The following THSD4 variants were observed in gnomAD, a reference collection of about 807,000 sequenced individuals.
THSD4 encodes thrombospondin type 1 domain containing 4.
THSD4 carries 69 observed loss-of-function variants against 119.0 expected under a neutral mutation model. The observed-to-expected ratio is 0.58, with a 90% CI of 0.48 to 0.71. The LOEUF (loss-of-function observed/expected upper bound fraction) is 0.71. Among genes scored for constraint, THSD4 ranks in the 30% least tolerant of loss-of-function variants. THSD4 has a pLI of 0.00. For synonymous variants in THSD4, 524 were observed against 540.4 expected (o/e 0.97, Z 0.42); for missense variants, 1,393 against 1,391.1 (o/e 1.00, Z -0.02).
At chr15:71,098,716 T>C (rs1045532698) in intron 1 of THSD4, among the ~76,000 whole-genome samples, 4 of 152,190 alleles carry the variant, frequency 2.6e-5, no homozygotes, top group African/African-American at 7.2e-5. Context: ...TGGACTGATA[T>C]ATAATATACT....
chr15:71,577,737 T>TATTTTA (rs58028304), intron 7 of THSD4, among the ~76,000 whole-genome samples: 2 of 150,538 alleles, frequency 1.3e-5, no homozygotes, highest in African/African-American at 2.4e-5. Flanking sequence ...TATTTTATTT[T>TATTTTA]TGAGACGGAG....
intron 7 of THSD4, among the ~76,000 whole-genome samples, chr15:71,560,571 A>T (rs951481057): frequency 1.3e-5 from 2 of 152,242 alleles, no homozygotes; most frequent in Non-Finnish European, 2.9e-5. Context: ...ATATTAGAGG[A>T]ATGCATTCCA....
At chr15:71,266,096 G>A (rs540489781) in intron 6 of THSD4, among the ~76,000 whole-genome samples, 15 of 152,346 alleles carry the variant, frequency 9.8e-5, no homozygotes, top group Admixed American at 3.3e-4. Flanking sequence ...CCATCACAGC[G>A]CTCAAGCTCT....
chr15:71,433,253 GAC>G (rs916713803), intron 7 of THSD4, among the ~76,000 whole-genome samples: 4 of 150,744 alleles, frequency 2.7e-5, no homozygotes, highest in East Asian at 1.9e-4. Context: ...ATTTAGATAT[GAC>G]ACAGACATTT....
At chr15:71,479,783 T>C (rs1023118091) in intron 7 of THSD4, among the ~76,000 whole-genome samples, 7 of 152,214 alleles carry the variant, frequency 4.6e-5, no homozygotes, top group Admixed American at 3.3e-4. Flanking sequence ...AGCTTACAGT[T>C]AGAAAACTCT....
In THSD4 at chr15:71,678,329, A is replaced by G. The variant is rs8026125; in HGVS notation, c.1357+17595A>G. On this transcript the variant is annotated intron_variant, in intron 8 of 17. Transcript: ENST00000261862. Reference sequence around the variant, plus strand: ...AAGAGAAGTGACTCCTGAGAAAAACAGTAATCTTGAAGATTTCTTAACCAA... The same window carrying G: ...AAGAGAAGTGACTCCTGAGAAAAACGGTAATCTTGAAGATTTCTTAACCAA... Among the ~76,000 whole-genome samples the G allele has an allele frequency of 9.1e-3, 1,382 of 152,364 alleles. 24 individuals are homozygous for G. The highest frequency in any genetic ancestry group is 0.031 in the African/African-American group (1,306 of 41,588).
chr15:71,591,113 T>A (rs2049793758), intron 7 of THSD4, among the ~76,000 whole-genome samples: 1 of 151,810 alleles, frequency 6.6e-6, no homozygotes, highest in Non-Finnish European at 1.5e-5. Context: ...TCTTGTGTTG[T>A]GAAAGGGCTT....
chr15:71,661,464 T>C (rs1176992041), intron 8 of THSD4, among the ~76,000 whole-genome samples: 1 of 151,968 alleles, frequency 6.6e-6, no homozygotes, highest in Non-Finnish European at 1.5e-5. Context: ...GGTGCGATTT[T>C]TGCTCACTGC....
Position 71,323,688 on chromosome 15 carries a change from C to CCTA in THSD4, c.1015+66974_1015+66976dup, listed in dbSNP as rs576452281. ...ATGAAGCAGCAAAAATCAAGGGCTG[C>CCTA]CTATATATTCCTTTGGCAGAACACC... On this transcript the variant is annotated intron_variant, in intron 6 of 17. Transcript: ENST00000261862. Among the ~76,000 whole-genome samples the CCTA allele has an allele frequency of 3.9e-5, 6 of 152,102 alleles. 1 individual carries two copies. The South Asian group carries it at 1.2e-3, about 31-fold the overall frequency.
chr15:71,465,331 A>T (rs1335996475), intron 7 of THSD4, among the ~76,000 whole-genome samples: 1 of 152,236 alleles, frequency 6.6e-6, no homozygotes, highest in East Asian at 1.9e-4. Context: ...CTCCTACTGC[A>T]TCTTGGCTGT....
intron 7 of THSD4, among the ~76,000 whole-genome samples, chr15:71,444,946 A>G (rs2047159749): frequency 6.6e-6 from 1 of 152,096 alleles, no homozygotes; most frequent in Admixed American, 6.6e-5. Context: ...TAAAAGTCCA[A>G]ATTCCTTAGC....
chr15:71,191,245 G>C (rs1192378686), intron 3 of THSD4, among the ~76,000 whole-genome samples: 1 of 152,064 alleles, frequency 6.6e-6, no homozygotes, highest in African/African-American at 2.4e-5. Flanking sequence ...GCACAGGTCT[G>C]ACTGATGTTC....
rs79504043 is a variant in THSD4 at position 71,645,950 on chromosome 15, C to T, written c.1153-14580C>T. 5.9e-3 allele frequency among the ~76,000 whole-genome samples: 899 copies of T among 152,338 alleles called. 7 individuals are homozygous for T. The highest frequency in any genetic ancestry group is 0.017 in the Middle Eastern group (5 of 294). On this transcript the variant is annotated intron_variant, in intron 7 of 17. Coordinates refer to ENST00000261862, the MANE Select transcript of THSD4 (RefSeq NM_024817.3). ...CCCTCATCCCTCCACCTGTCCAACA[C>T]GTGCACCTTTCAGTGGGTGCTCTGC...
At chr15:71,571,376 G>A (rs930716646) in intron 7 of THSD4, among the ~76,000 whole-genome samples, 3 of 152,108 alleles carry the variant, frequency 2.0e-5, no homozygotes, top group African/African-American at 4.8e-5. Context: ...CCAGGCTTTA[G>A]GCTCCAGGTT....
chr15:71,729,099 G>A (rs1048534975), intron 9 of THSD4: 6 of 251,706 alleles, frequency 2.4e-5, no homozygotes, highest in African/African-American at 1.1e-4. Context: ...GCAAAAGAAA[G>A]CAAGAGCCTA....
intron 6 of THSD4, among the ~76,000 whole-genome samples, chr15:71,365,534 A>T (rs1191261789): frequency 6.6e-6 from 1 of 152,132 alleles, no homozygotes; most frequent in East Asian, 1.9e-4. Context: ...CTTTGTAAAA[A>T]TACAGTGGGG....
At chr15:71,618,678 AT>A (rs2050365467) in intron 7 of THSD4, among the ~76,000 whole-genome samples, 1 of 151,832 alleles carries the variant, frequency 6.6e-6, no homozygotes, top group Non-Finnish European at 1.5e-5. Flanking sequence ...GGCTCAGGTG[AT>A]CCTCCAACCG....
chr15:71,612,077 G>GAT (rs1374503463), intron 7 of THSD4, among the ~76,000 whole-genome samples: 1 of 152,170 alleles, frequency 6.6e-6, no homozygotes, highest in Non-Finnish European at 1.5e-5. Context: ...TCATTTGGAA[G>GAT]ATATCCCCTC....
chr15:71,522,236 A>G (rs2048451728), intron 7 of THSD4, among the ~76,000 whole-genome samples: 2 of 152,084 alleles, frequency 1.3e-5, no homozygotes, highest in Admixed American at 6.6e-5. Flanking sequence ...CTAAAATAAA[A>G]CCCTGCTCAT....
Sources: allele counts gnomAD v4.1 joint callset (sites outside exome capture counted in the v4.1 genomes callset), GRCh38; gene constraint gnomAD v4.1.1; transcripts MANE v1.5; gene names NCBI Gene and HGNC (gene_info 2026-07-23, HGNC 2026-07-21).